Variants in SLC5A4 observed in about 807,000 individuals in gnomAD.
The protein encoded by SLC5A4 is solute carrier family 5 member 4.
A neutral mutation model predicts 70.3 loss-of-function variants in SLC5A4; 55 were observed. The ratio of observed to expected loss-of-function variants is 0.78; its 90% CI spans 0.63 to 0.98. SLC5A4 has a LOEUF of 0.98. Ranked by LOEUF, SLC5A4 falls within the 50% of genes least tolerant of loss-of-function variation. The pLI is 0.00. For missense variants in SLC5A4, 735 were observed against 839.2 expected (o/e 0.88, Z 1.53); for synonymous variants, 268 against 305.7 (o/e 0.88, Z 1.29).
At chr22:32,346,966 G>T in the SLC5A4 span, among the ~76,000 whole-genome samples, 2 of 151,820 alleles carry the variant, frequency 1.3e-5, no homozygotes, top group Non-Finnish European at 2.9e-5. Context: ...CTGACAAAGG[G>T]CTAATATCCA....
chr22:32,266,102 G>A, the SLC5A4 span, among the ~76,000 whole-genome samples: 1 of 152,192 alleles, frequency 6.6e-6, no homozygotes, highest in East Asian at 1.9e-4. Flanking sequence ...GTCATTCAGG[G>A]ATAAAGGTTT....
At chr22:32,220,653 A>G (rs960073513) in intron 14 of SLC5A4, among the ~76,000 whole-genome samples, 2 of 152,226 alleles carry the variant, frequency 1.3e-5, no homozygotes, top group African/African-American at 4.8e-5. Flanking sequence ...AACACTTACT[A>G]TGTAACTAGG....
chr22:32,341,307 TGAG>T, the SLC5A4 span, among the ~76,000 whole-genome samples: 1,048 of 152,024 alleles, frequency 6.9e-3, 10 homozygotes, highest in Non-Finnish European at 8.9e-3. Flanking sequence ...ATCAGGGAGA[TGAG>T]GATGGAGCCG....
the SLC5A4 span, among the ~76,000 whole-genome samples, chr22:32,292,594 T>C: frequency 1.3e-5 from 2 of 151,518 alleles, no homozygotes; most frequent in Non-Finnish European, 2.9e-5. Flanking sequence ...AGAAATATGG[T>C]AGAAAATTCC....
the SLC5A4 span, among the ~76,000 whole-genome samples, chr22:32,273,697 C>T: frequency 1.3e-5 from 2 of 152,162 alleles, no homozygotes; most frequent in African/African-American, 4.8e-5. Flanking sequence ...GTTACAAAAC[C>T]AAACCAAACC....
At position 32,231,061 on chromosome 22, in the gene SLC5A4, C is replaced by T. The variant is rs374509538; in HGVS notation, c.1036G>A (p.Val346Met). 9.9e-6 allele frequency: 16 copies of T among 1,611,852 alleles called. No individual in the cohort carries two copies. The African/African-American group carries it at 1.7e-4, about 17-fold the overall frequency. ...TGTTTCACGCATTCAGAAGGTACCA[C>T]ACATGCTACCATATCTGGGGAAGAA... Reference protein sequence around the residue: ...RILYTDMVACVVPSECVKHCG... With the variant: ...RILYTDMVACMVPSECVKHCG... The change falls in exon 10 of 15, where the codon GTG (valine) becomes ATG (methionine). Residue 346 changes from valine (V) to methionine (M), a missense_variant. Transcript: ENST00000266086.
intron 14 of SLC5A4, among the ~76,000 whole-genome samples, chr22:32,219,320 C>G (rs183187112): frequency 6.6e-6 from 1 of 152,178 alleles, no homozygotes; most frequent in Admixed American, 6.5e-5. Context: ...CAACGGAACT[C>G]CACAAAATCT....
chr22:32,318,719 G>A, the SLC5A4 span, among the ~76,000 whole-genome samples: 2 of 152,292 alleles, frequency 1.3e-5, no homozygotes, highest in South Asian at 2.1e-4. Context: ...GAAGCCCTGT[G>A]AAAACCTAAG....
chr22:32,317,494 G>C, the SLC5A4 span, among the ~76,000 whole-genome samples: 4 of 151,902 alleles, frequency 2.6e-5, no homozygotes, highest in African/African-American at 9.7e-5. Context: ...ACAGGCTCTT[G>C]CTCTGTCACC....
the SLC5A4 span, among the ~76,000 whole-genome samples, chr22:32,335,373 G>A: frequency 6.6e-6 from 1 of 152,170 alleles, no homozygotes; most frequent in Non-Finnish European, 1.5e-5. Flanking sequence ...CAAGCTGTGA[G>A]TAAGCCCTGA....
At chr22:32,261,093 G>A in the SLC5A4 span, among the ~76,000 whole-genome samples, 1 of 151,560 alleles carries the variant, frequency 6.6e-6, no homozygotes, top group Non-Finnish European at 1.5e-5. Flanking sequence ...ACTAGAAAAG[G>A]CAGCCTCCCC....
At chr22:32,272,768 CA>C in the SLC5A4 span, 40 of 509,116 alleles carry the variant, frequency 7.9e-5, no homozygotes, top group Middle Eastern at 6.0e-4. Context: ...AGGGGCTCAG[CA>C]AAAAGTCAGT....
chr22:32,286,469 A>C, the SLC5A4 span, among the ~76,000 whole-genome samples: 1 of 152,208 alleles, frequency 6.6e-6, no homozygotes, highest in Non-Finnish European at 1.5e-5. Flanking sequence ...TTTATGGAGG[A>C]AAGTTTCTTG....
chr22:32,293,182 G>A, the SLC5A4 span, among the ~76,000 whole-genome samples: 1 of 152,006 alleles, frequency 6.6e-6, no homozygotes, highest in Admixed American at 6.6e-5. Flanking sequence ...TGTTGTAAAT[G>A]TCTTTTATAA....
At position 32,221,091 on chromosome 22, in the gene SLC5A4, C is replaced by T; in HGVS notation, c.1666-69G>A. On this transcript the variant is annotated intron_variant, in intron 13 of 14. Coordinates refer to ENST00000266086, the MANE Select transcript of SLC5A4 (RefSeq NM_014227.3). Reference sequence around the variant, plus strand: ...TTTGCAATAGTATAATAGAATGGTACCTTTGTTTATCGTCTGGTGTTTTTA... The same window carrying T: ...TTTGCAATAGTATAATAGAATGGTATCTTTGTTTATCGTCTGGTGTTTTTA... The T allele has an allele frequency of 3.9e-6, 4 of 1,016,460 alleles. No homozygotes were observed. The South Asian group carries it at 3.9e-5, about 10-fold the overall frequency. 63.0% of individuals were successfully genotyped at this position (1,016,460 alleles called of 1,614,324 possible).
chr22:32,272,588 C>T, the SLC5A4 span: 8 of 622,940 alleles, frequency 1.3e-5, no homozygotes, highest in Admixed American at 2.8e-5. Flanking sequence ...TGGTAGACAA[C>T]ACCCAGCTGG....
chr22:32,290,324 C>T, the SLC5A4 span, among the ~76,000 whole-genome samples: 1 of 152,098 alleles, frequency 6.6e-6, no homozygotes, highest in East Asian at 1.9e-4. Context: ...GTTCAACTCC[C>T]ATTTATGAGG....
intron 11 of SLC5A4, among the ~76,000 whole-genome samples, chr22:32,228,077 C>T (rs7292474): frequency 0.14 from 21,572 of 152,146 alleles, 1,896 homozygotes; most frequent in African/African-American, 0.23. Flanking sequence ...AGCTTTGGAA[C>T]GAGGTGGCCC....
At chr22:32,320,014 A>G in the SLC5A4 span, among the ~76,000 whole-genome samples, 4 of 152,208 alleles carry the variant, frequency 2.6e-5, no homozygotes, top group Non-Finnish European at 5.9e-5. Flanking sequence ...AATTTCCAAG[A>G]AAAGAGAAAT....
Sources: gnomAD v4.1 joint callset for allele counts (sites outside exome capture counted in the v4.1 genomes callset) on GRCh38, gnomAD v4.1.1 for gene constraint, MANE v1.5 for transcripts, NCBI Gene and HGNC (gene_info 2026-07-23, HGNC 2026-07-21) for gene names.